The following CACNG2 variants were observed in gnomAD, a reference collection of about 807,000 sequenced individuals.
The protein encoded by CACNG2 is voltage-dependent calcium channel gamma-2 subunit.
Under a neutral mutation model 25.9 loss-of-function variants are expected in CACNG2, and 3 were observed. The observed-to-expected ratio is 0.12, with a 90% confidence interval of 0.05 to 0.30. The LOEUF is 0.30. Among genes scored for constraint, CACNG2 ranks in the 10% least tolerant of loss-of-function variants. The pLI is 1.00. For missense variants in CACNG2, 341 were observed against 432.5 expected (o/e 0.79, Z 1.88); for synonymous variants, 167 against 173.3 (o/e 0.96, Z 0.29).
chr22:36,610,295 C>T (rs1935919259), intron 1 of CACNG2, among the ~76,000 whole-genome samples: 1 of 146,996 alleles, frequency 6.8e-6, no homozygotes, highest in Non-Finnish European at 1.5e-5. Flanking sequence ...CAGGAATCAG[C>T]CGCTTAGAGC....
chr22:36,649,184 GC>G (rs1365723430), intron 1 of CACNG2, among the ~76,000 whole-genome samples: 1 of 152,162 alleles, frequency 6.6e-6, no homozygotes, highest in East Asian at 1.9e-4. Context: ...TCAATCTTCT[GC>G]CGCGGCAGCT....
intron 1 of CACNG2, among the ~76,000 whole-genome samples, chr22:36,694,895 C>T (rs1367756187): frequency 2.0e-5 from 3 of 152,230 alleles, no homozygotes; most frequent in Admixed American, 6.5e-5. Flanking sequence ...GTATTCAGAT[C>T]GGCGTGGAAG....
At chr22:36,598,889 G>C (rs1209234165) in intron 1 of CACNG2, among the ~76,000 whole-genome samples, 1 of 151,992 alleles carries the variant, frequency 6.6e-6, no homozygotes, top group African/African-American at 2.4e-5. Context: ...TGAGGTGGGA[G>C]ATTGCTTGAA....
At chr22:36,593,227 G>A (rs1004277108) in intron 1 of CACNG2, among the ~76,000 whole-genome samples, 1 of 152,218 alleles carries the variant, frequency 6.6e-6, no homozygotes, top group Non-Finnish European at 1.5e-5. Flanking sequence ...AGGCAGCACC[G>A]GCACATCAGG....
At chr22:36,577,875 C>A (rs1207977280) in intron 2 of CACNG2, among the ~76,000 whole-genome samples, 2 of 151,948 alleles carry the variant, frequency 1.3e-5, no homozygotes, top group African/African-American at 4.8e-5. Flanking sequence ...TCTCAGAAGC[C>A]CCCTCATGGC....
In CACNG2 at chr22:36,601,629, C is replaced by T. The variant is rs139182048; in HGVS notation, c.212-14081G>A. Among the ~76,000 whole-genome samples the T allele has an allele frequency of 5.7e-3, 864 of 152,092 alleles. 5 individuals are homozygous for T. Among genetic ancestry groups the T allele is most frequent in the African/African-American group, 0.02 (822 of 41,502 alleles). Reference sequence around the variant, plus strand: ...ATGCTTCAGGCTCCCAAATTACAGGCGCCTGCCACTACGCCTGGCTAATTT... The same window carrying T: ...ATGCTTCAGGCTCCCAAATTACAGGTGCCTGCCACTACGCCTGGCTAATTT... On this transcript the variant is annotated intron_variant, in intron 1 of 3. Coordinates refer to ENST00000300105, the MANE Select transcript of CACNG2 (RefSeq NM_006078.5).
intron 1 of CACNG2, among the ~76,000 whole-genome samples, chr22:36,596,310 T>A (rs1284336528): frequency 6.6e-6 from 1 of 152,102 alleles, no homozygotes; most frequent in Admixed American, 6.5e-5. Context: ...TCAGGGAGGG[T>A]GGGCCATGCC....
intron 1 of CACNG2, among the ~76,000 whole-genome samples, chr22:36,631,720 C>G (rs1168490658): frequency 1.3e-5 from 2 of 149,044 alleles, no homozygotes; most frequent in Non-Finnish European, 3.0e-5. Flanking sequence ...TGGAACTGCC[C>G]GGTTATGTGA....
chr22:36,590,759 G>A (rs1935579212), intron 1 of CACNG2, among the ~76,000 whole-genome samples: 2 of 152,010 alleles, frequency 1.3e-5, no homozygotes, highest in South Asian at 4.2e-4. Flanking sequence ...CAGTGCTGTC[G>A]GGGAAAAGCT....
chr22:36,586,459 C>G (rs1397804631), intron 2 of CACNG2, among the ~76,000 whole-genome samples: 3 of 152,228 alleles, frequency 2.0e-5, no homozygotes, highest in African/African-American at 7.2e-5. Context: ...TCTTTCTTCC[C>G]AGCTGCCTGG....
chr22:36,577,082 G>A (rs1472535123), intron 2 of CACNG2, among the ~76,000 whole-genome samples: 2 of 152,098 alleles, frequency 1.3e-5, no homozygotes, highest in African/African-American at 2.4e-5. Flanking sequence ...CTGGTCCCCC[G>A]GGGGCCTCTG....
intron 1 of CACNG2, among the ~76,000 whole-genome samples, chr22:36,674,204 ACC>A (rs1378221003): frequency 6.6e-6 from 1 of 151,942 alleles, no homozygotes; most frequent in Non-Finnish European, 1.5e-5. Flanking sequence ...TGGCTCCACC[ACC>A]CCTGAGAAGG....
intron 1 of CACNG2, among the ~76,000 whole-genome samples, chr22:36,688,843 G>A (rs1937235056): frequency 6.6e-6 from 1 of 152,148 alleles, no homozygotes; most frequent in African/African-American, 2.4e-5. Context: ...GCCCCCACCT[G>A]GAGCCCCAAA....
intron 1 of CACNG2, among the ~76,000 whole-genome samples, chr22:36,634,579 T>G (rs1266998169): frequency 1.3e-5 from 2 of 152,094 alleles, no homozygotes; most frequent in Non-Finnish European, 2.9e-5. Context: ...ACTGGTAAAA[T>G]TTTTTTAGGA....
intron 1 of CACNG2, among the ~76,000 whole-genome samples, chr22:36,690,786 G>A (rs920560882): frequency 1.7e-4 from 26 of 152,142 alleles, no homozygotes; most frequent in African/African-American, 5.1e-4. Flanking sequence ...TGATGATGAC[G>A]ATGATGGGAA....
At chr22:36,628,085 T>C (rs1014737237) in intron 1 of CACNG2, among the ~76,000 whole-genome samples, 2 of 152,216 alleles carry the variant, frequency 1.3e-5, no homozygotes, top group African/African-American at 4.8e-5. Context: ...TTACCAATGA[T>C]TATTTCTAGG....
At chr22:36,608,904 ATTG>A (rs1339776445) in intron 1 of CACNG2, among the ~76,000 whole-genome samples, 1 of 152,124 alleles carries the variant, frequency 6.6e-6, no homozygotes, top group African/African-American at 2.4e-5. Context: ...GTTAATTATT[ATTG>A]TTGTTGTTAT....
intron 1 of CACNG2, among the ~76,000 whole-genome samples, chr22:36,695,106 C>CT (rs985437878): frequency 6.6e-6 from 1 of 152,078 alleles, no homozygotes; most frequent in African/African-American, 2.4e-5. Context: ...TTCTCAGCTA[C>CT]TTCAAAGACT....
intron 1 of CACNG2, among the ~76,000 whole-genome samples, chr22:36,613,154 C>CTGTGTGTGTGTGTGTGTGTGTGTG (rs199852721): frequency 1.4e-5 from 1 of 73,900 alleles, no homozygotes; most frequent in African/African-American, 3.2e-5. Flanking sequence ...ATTACAGGCT[C>CTGTGTGTGTGTGTGTGTGTGTGTG]TCTGTGTGTG....
Sources: gnomAD v4.1 joint callset for allele counts (sites outside exome capture counted in the v4.1 genomes callset) on GRCh38, gnomAD v4.1.1 for gene constraint, MANE v1.5 for transcripts, NCBI Gene and HGNC (gene_info 2026-07-23, HGNC 2026-07-21) for gene names.